CCDC91: variants seen among roughly 807,000 people sequenced by gnomAD.
CCDC91 encodes coiled-coil domain-containing protein 91.
Under a neutral mutation model 63.2 loss-of-function variants are expected in CCDC91, and 48 were observed. The ratio of observed to expected loss-of-function variants is 0.76; its 90% CI spans 0.60 to 0.97. CCDC91 has a LOEUF of 0.97. Ranked by LOEUF, CCDC91 falls within the 50% of genes least tolerant of loss-of-function variation. The pLI, the probability that CCDC91 is intolerant of heterozygous loss-of-function variation, is 0.00. For missense variants in CCDC91, 500 were observed against 494.6 expected, an observed-to-expected ratio of 1.01 and a Z score of -0.10; for synonymous variants, 167 against 165.8, an observed-to-expected ratio of 1.01 and a Z score of -0.06.
At chr12:28,226,376 A>G (rs540230777) in intron 1 of CCDC91, among the ~76,000 whole-genome samples, 2 of 152,020 alleles carry the variant, frequency 1.3e-5, no homozygotes, top group East Asian at 1.9e-4. Context: ...TGTGGATTCT[A>G]TTTGTTCCTT....
intron 7 of CCDC91, among the ~76,000 whole-genome samples, chr12:28,382,805 A>G (rs1945372551): frequency 6.6e-6 from 1 of 152,122 alleles, no homozygotes; most frequent in Non-Finnish European, 1.5e-5. Context: ...CTGTATTAAT[A>G]ACTAGGTGCT....
At chr12:28,417,620 G>GAGATATATAT (rs1555208046) in intron 8 of CCDC91, among the ~76,000 whole-genome samples, 3 of 139,766 alleles carry the variant, frequency 2.1e-5, no homozygotes, top group African/African-American at 7.6e-5. Context: ...GAACCTTTGA[G>GAGATATATAT]ATATATATAT....
chr12:28,342,482 G>GAATGAGAGGA (rs1272049056), intron 6 of CCDC91, among the ~76,000 whole-genome samples: 3 of 152,168 alleles, frequency 2.0e-5, no homozygotes, highest in African/African-American at 7.2e-5. Flanking sequence ...GAGAGGAAAG[G>GAATGAGAGGA]AAGTGGAATC....
At chr12:28,428,373 C>T (rs1219372343) in intron 8 of CCDC91, among the ~76,000 whole-genome samples, 1 of 151,802 alleles carries the variant, frequency 6.6e-6, no homozygotes. Context: ...GAGTTTGAGA[C>T]CAGCCTGACC....
At chr12:28,214,941 G>A (rs1346603974) in intron 1 of CCDC91, among the ~76,000 whole-genome samples, 1 of 152,170 alleles carries the variant, frequency 6.6e-6, no homozygotes, top group African/African-American at 2.4e-5. Flanking sequence ...GGTACTCACA[G>A]ATTTGATTAA....
chr12:28,423,648 T>A (rs1421926739), intron 8 of CCDC91, among the ~76,000 whole-genome samples: 1 of 152,150 alleles, frequency 6.6e-6, no homozygotes, highest in Non-Finnish European at 1.5e-5. Context: ...TCAAAAGGAA[T>A]AAATACTATG....
At chr12:28,537,226 G>A (rs1942246980) in intron 12 of CCDC91, among the ~76,000 whole-genome samples, 1 of 151,800 alleles carries the variant, frequency 6.6e-6, no homozygotes, top group Non-Finnish European at 1.5e-5. Flanking sequence ...GAGAAAGGGG[G>A]AAAAAAAGGA....
chr12:28,252,975 C>T (rs1946222457), intron 1 of CCDC91, among the ~76,000 whole-genome samples: 1 of 152,152 alleles, frequency 6.6e-6, no homozygotes. Context: ...GAAACTGAGG[C>T]ACACAATGTT....
At chr12:28,539,543 T>C (rs1410537420) in intron 12 of CCDC91, among the ~76,000 whole-genome samples, 1 of 152,210 alleles carries the variant, frequency 6.6e-6, no homozygotes, top group African/African-American at 2.4e-5. Flanking sequence ...GGTAGCATGA[T>C]GCCTCCAGCT....
At chr12:28,392,096 A>T (rs1003228068) in intron 8 of CCDC91, among the ~76,000 whole-genome samples, 1 of 152,184 alleles carries the variant, frequency 6.6e-6, no homozygotes, top group African/African-American at 2.4e-5. Context: ...TAAATATACC[A>T]CCTTATTCTC....
chr12:28,371,657 A>G (rs1273212091), intron 7 of CCDC91, among the ~76,000 whole-genome samples: 2 of 152,182 alleles, frequency 1.3e-5, no homozygotes, highest in Non-Finnish European at 2.9e-5. Context: ...TACCCTTATA[A>G]TTACTGCTCC....
intron 1 of CCDC91, among the ~76,000 whole-genome samples, chr12:28,194,953 C>G (rs765971990): frequency 2.6e-5 from 4 of 152,148 alleles, no homozygotes; most frequent in Non-Finnish European, 5.9e-5. Flanking sequence ...ATAGTGCGGA[C>G]CCAAAGAGTG....
chr12:28,290,689 A>AT (rs1237555599), intron 3 of CCDC91, among the ~76,000 whole-genome samples: 2 of 152,090 alleles, frequency 1.3e-5, no homozygotes, highest in Non-Finnish European at 2.9e-5. Flanking sequence ...TGTTTTTTAT[A>AT]TTTTGTTCAT....
intron 11 of CCDC91, among the ~76,000 whole-genome samples, chr12:28,463,795 T>G (rs1566014328): frequency 6.6e-6 from 1 of 151,904 alleles, no homozygotes; most frequent in African/African-American, 2.4e-5. Context: ...AACAAAAAAC[T>G]TTTTTTTGAA....
At chr12:28,255,061 C>T (rs1255106823) in intron 1 of CCDC91, among the ~76,000 whole-genome samples, 4 of 152,100 alleles carry the variant, frequency 2.6e-5, no homozygotes, top group African/African-American at 9.7e-5. Context: ...CAGGCGTGAG[C>T]CACCGAATAT....
intron 8 of CCDC91, among the ~76,000 whole-genome samples, chr12:28,445,247 A>G (rs1312140435): frequency 6.6e-6 from 1 of 152,152 alleles, no homozygotes; most frequent in Non-Finnish European, 1.5e-5. Context: ...TAGTTGGATA[A>G]CTTGCCAAAG....
At chr12:28,490,955 A>G (rs1406222104) in intron 12 of CCDC91, among the ~76,000 whole-genome samples, 1 of 151,768 alleles carries the variant, frequency 6.6e-6, no homozygotes, top group Non-Finnish European at 1.5e-5. Flanking sequence ...AGATGATGTT[A>G]AAGATAAAGC....
At chr12:28,512,586 G>C (rs886849036) in intron 12 of CCDC91, among the ~76,000 whole-genome samples, 1 of 151,818 alleles carries the variant, frequency 6.6e-6, no homozygotes, top group African/African-American at 2.4e-5. Flanking sequence ...ATTTATTTAC[G>C]TATTATTTAT....
At chr12:28,388,367 A>C (rs1945733844) in intron 7 of CCDC91, among the ~76,000 whole-genome samples, 1 of 151,978 alleles carries the variant, frequency 6.6e-6, no homozygotes, top group African/African-American at 2.4e-5. Context: ...AACCCTAAAG[A>C]CTCCTCCAAA....
Sources: gnomAD v4.1 joint callset for allele counts (sites outside exome capture counted in the v4.1 genomes callset) on GRCh38, gnomAD v4.1.1 for gene constraint, MANE v1.5 for transcripts, NCBI Gene and HGNC (gene_info 2026-07-23, HGNC 2026-07-21) for gene names.